Variants in PLPPR4 observed in about 807,000 individuals in gnomAD.
The protein encoded by PLPPR4 is phospholipid phosphatase related 4, also known as phospholipid phosphatase-related protein type 4.
Under a neutral mutation model 56.6 loss-of-function variants are expected in PLPPR4, and 24 were observed. That is an observed-to-expected ratio of 0.42 (90% CI 0.31 to 0.60). PLPPR4 has a LOEUF of 0.60. PLPPR4 is among the 20% of genes least tolerant of loss of function. The pLI is 0.13. For missense variants in PLPPR4, 654 were observed against 885.8 expected (o/e 0.74, Z 3.32); for synonymous variants, 326 against 328.1 (o/e 0.99, Z 0.07).
intron 1 of PLPPR4, 103 bp downstream of exon 1, chr1:99,264,774 C>A: frequency 2.3e-6 from 3 of 1,289,550 alleles, no homozygotes; most frequent in Non-Finnish European, 2.2e-6. Context: ...CTGCCGGGCG[C>A]GCGCGGCTGT....
At chr1:99,267,364 C>G (rs1258901669) in intron 1 of PLPPR4, among the ~76,000 whole-genome samples, 1 of 152,202 alleles carries the variant, frequency 6.6e-6, no homozygotes, top group African/African-American at 2.4e-5. Context: ...GCAGCATGCT[C>G]TAGGAAAATC....
chr1:99,263,703 T>C (rs1351443568), upstream of PLPPR4, among the ~76,000 whole-genome samples: 2 of 152,204 alleles, frequency 1.3e-5, no homozygotes, highest in African/African-American at 4.8e-5. Context: ...AGATTATTAA[T>C]ATCTGAAGAC....
At chr1:99,285,454 T>C (rs1003291135) in intron 1 of PLPPR4, among the ~76,000 whole-genome samples, 15 of 152,124 alleles carry the variant, frequency 9.9e-5, no homozygotes, top group African/African-American at 3.6e-4. Flanking sequence ...CTACTATTCG[T>C]GCACTATAGG....
At chr1:99,301,661 G>T in intron 5 of PLPPR4, 63 bp from the exon 6 acceptor site, 2 of 1,186,192 alleles carry the variant, frequency 1.7e-6, no homozygotes, top group South Asian at 3.4e-5. Context: ...ACTTTTATTT[G>T]ATTATAATTT....
At chr1:99,267,168 A>T (rs1658920786) in intron 1 of PLPPR4, among the ~76,000 whole-genome samples, 1 of 152,254 alleles carries the variant, frequency 6.6e-6, no homozygotes, top group South Asian at 2.1e-4. Context: ...CCTGGTTCTC[A>T]AGTCAGTGAC....
In PLPPR4 at chr1:99,283,849, G is replaced by A. The variant is rs558874940; in HGVS notation, c.79-4116G>A. On this transcript the variant is annotated intron_variant, in intron 1 of 6. Coordinates refer to ENST00000370185, the MANE Select transcript of PLPPR4 (RefSeq NM_014839.5). ...CTCCTGTAGTCCCAGCTACTCAGGAGACTGAGGCAGGAGAATCGCTTGAAC... is the reference window on the plus strand; with the variant it reads ...CTCCTGTAGTCCCAGCTACTCAGGAAACTGAGGCAGGAGAATCGCTTGAAC... Among the ~76,000 whole-genome samples the A allele has an allele frequency of 3.3e-4, 50 of 152,332 alleles. No individual in the cohort carries two copies. The East Asian group carries it at 8.9e-3, about 27-fold the overall frequency.
chr1:99,281,792 A>C (rs1283695068), intron 1 of PLPPR4, among the ~76,000 whole-genome samples: 1 of 152,136 alleles, frequency 6.6e-6, no homozygotes, highest in Non-Finnish European at 1.5e-5. Flanking sequence ...CACATTATAT[A>C]TGATTTTGGG....
intron 6 of PLPPR4, among the ~76,000 whole-genome samples, chr1:99,303,753 T>C (rs963237874): frequency 6.6e-6 from 1 of 152,182 alleles, no homozygotes; most frequent in Non-Finnish European, 1.5e-5. Flanking sequence ...ATTGTCACTT[T>C]AAAAGTTATT....
chr1:99,270,726 GA>G (rs1376187084), intron 1 of PLPPR4, among the ~76,000 whole-genome samples: 2 of 152,166 alleles, frequency 1.3e-5, no homozygotes, highest in African/African-American at 4.8e-5. Context: ...GCATCAGTAG[GA>G]AATACAAAAT....
chr1:99,273,946 T>C (rs1305726986), intron 1 of PLPPR4, among the ~76,000 whole-genome samples: 1 of 152,148 alleles, frequency 6.6e-6, no homozygotes, highest in Non-Finnish European at 1.5e-5. Context: ...ATCCAAGGTC[T>C]ATATGAGTCC....
Position 99,299,317 on chromosome 1 carries a change from A to G in PLPPR4, c.590+87A>G, listed in dbSNP as rs1210917803. ...GTATCACTTTAAGCATGCCTCTTTC[A>G]GTCATAATGATTTTGTTTTTATTTT... On this transcript the variant is annotated intron_variant, in intron 4 of 6. Coordinates refer to ENST00000370185, the MANE Select transcript of PLPPR4 (RefSeq NM_014839.5). 9.9e-6 allele frequency: 9 copies of G among 906,436 alleles called. 1 individual carries two copies. The Middle Eastern group carries it at 1.7e-3, about 176-fold the overall frequency. 56.1% of individuals were successfully genotyped at this position (906,436 alleles called of 1,614,324 possible).
At chr1:99,272,188 T>C (rs1195072203) in intron 1 of PLPPR4, among the ~76,000 whole-genome samples, 1 of 152,126 alleles carries the variant, frequency 6.6e-6, no homozygotes, top group Non-Finnish European at 1.5e-5. Flanking sequence ...AAAGTCTTAT[T>C]ACAGAGATAA....
intron 5 of PLPPR4, among the ~76,000 whole-genome samples, chr1:99,301,457 C>T (rs956793378): frequency 3.9e-5 from 6 of 151,938 alleles, no homozygotes; most frequent in Non-Finnish European, 7.4e-5. Flanking sequence ...CGAAATTATA[C>T]GACAAGTAAC....
chr1:99,290,308 G>T lies in PLPPR4; in HGVS notation c.264+2158G>T, dbSNP rs139443072. Among the ~76,000 whole-genome samples, 50 of 152,074 alleles carry T rather than the reference G, an allele frequency of 3.3e-4. 1 individual carries two copies. The East Asian group carries it at 9.5e-3, about 29-fold the overall frequency. On this transcript the variant is annotated intron_variant, in intron 2 of 6. Coordinates refer to ENST00000370185, the MANE Select transcript of PLPPR4 (RefSeq NM_014839.5). ...AAATCAGAGATGACATAAACAAATGGAAAAATATTCCATACTCATGGATAG... is the reference window on the plus strand; with the variant it reads ...AAATCAGAGATGACATAAACAAATGTAAAAATATTCCATACTCATGGATAG...
At chr1:99,276,334 T>C (rs2100788533) in intron 1 of PLPPR4, among the ~76,000 whole-genome samples, 1 of 152,298 alleles carries the variant, frequency 6.6e-6, no homozygotes, top group African/African-American at 2.4e-5. Context: ...AAATAAAATG[T>C]ATCAGGCACA....
In PLPPR4 at chr1:99,307,103, G is replaced by T; in HGVS notation, c.*93G>T. On this transcript the variant is annotated 3_prime_UTR_variant, in exon 7 of 7. Transcript: ENST00000370185. The stretch of plus-strand genomic sequence containing the variant: ...CCAGCGAATTGGGAAGTCTCACCAA[G>T]CTAGATTGTCTACCATCAGCCCAGA... The T allele has an allele frequency of 2.8e-6, 4 of 1,447,276 alleles. No homozygotes were observed. The highest frequency in any genetic ancestry group is 3.7e-6 in the Non-Finnish European group (4 of 1,081,402). 89.7% of individuals were successfully genotyped at this position (1,447,276 alleles called of 1,614,324 possible). A position where few individuals can be genotyped will look rare whatever the true frequency, so the allele number is the denominator to read the frequency against.
At chr1:99,264,478 G>C (rs1428771913), upstream of PLPPR4, 1 of 1,524,702 alleles carries the variant, frequency 6.6e-7, no homozygotes, top group Admixed American at 2.2e-5. Context: ...AGCGGTGGCC[G>C]CGGGGAATGT....
chr1:99,268,274 A>C (rs1658958388), intron 1 of PLPPR4, among the ~76,000 whole-genome samples: 1 of 152,244 alleles, frequency 6.6e-6, no homozygotes, highest in South Asian at 2.1e-4. Context: ...GGAGTGTCCA[A>C]GCACAAAGAG....
intron 1 of PLPPR4, among the ~76,000 whole-genome samples, chr1:99,270,476 T>C (rs748945088): frequency 6.6e-6 from 1 of 152,254 alleles, no homozygotes; most frequent in Non-Finnish European, 1.5e-5. Flanking sequence ...CCATCCTACC[T>C]GGGGAAGTTC....
Sources: gnomAD v4.1 joint callset for allele counts (sites outside exome capture counted in the v4.1 genomes callset) on GRCh38, gnomAD v4.1.1 for gene constraint, MANE v1.5 for transcripts, NCBI Gene and HGNC (gene_info 2026-07-23, HGNC 2026-07-21) for gene names.